Variants in LRRC27 observed in about 807,000 individuals in gnomAD.
LRRC27 encodes leucine-rich repeat-containing protein 27.
Under a neutral mutation model 55.0 loss-of-function variants are expected in LRRC27, and 57 were observed. The observed-to-expected ratio is 1.04, with a 90% confidence interval of 0.84 to 1.29. The LOEUF (loss-of-function observed/expected upper bound fraction) is 1.29, where lower values mean the gene tolerates loss of function less well. Among genes scored for constraint, LRRC27 ranks in the 50% most tolerant of loss-of-function variants. LRRC27 has a pLI of 0.00. For synonymous variants in LRRC27, 278 were observed against 251.9 expected (o/e 1.10, Z -0.98); for missense variants, 721 against 651.5 (o/e 1.11, Z -1.16).
upstream of LRRC27, chr10:132,331,834 G>A (rs776389422): frequency 4.6e-6 from 7 of 1,513,504 alleles, no homozygotes; most frequent in South Asian, 2.4e-5. Context: ...AAGGCCGCGG[G>A]CGCGGAAAAA....
At chr10:132,369,109 A>G (rs2069159182) in intron 10 of LRRC27, among the ~76,000 whole-genome samples, 1 of 152,206 alleles carries the variant, frequency 6.6e-6, no homozygotes, top group African/African-American at 2.4e-5. Flanking sequence ...AAAAAATCCA[A>G]AACACTCACC....
intron 2 of LRRC27, among the ~76,000 whole-genome samples, chr10:132,334,053 TAAAG>T (rs1186112425): frequency 6.6e-6 from 1 of 152,218 alleles, no homozygotes; most frequent in African/African-American, 2.4e-5. Context: ...CACAAAACCT[TAAAG>T]AAAATCAGGC....
At chr10:132,331,779 C>G, upstream of LRRC27, 4 of 1,608,582 alleles carry the variant, frequency 2.5e-6, no homozygotes, top group Admixed American at 1.7e-5. Flanking sequence ...GGTCGCCCCT[C>G]CAGACCCTCG....
intron 10 of LRRC27, 23 bp downstream of exon 10, chr10:132,365,573 TA>T (rs746298499): frequency 6.2e-7 from 1 of 1,607,974 alleles, no homozygotes; most frequent in East Asian, 2.2e-5. Flanking sequence ...TGGTTCTGTT[TA>T]AAAAAGTGTG....
At chr10:132,363,257 TCTCAC>T (rs1439669305) in intron 9 of LRRC27, among the ~76,000 whole-genome samples, 1 of 149,808 alleles carries the variant, frequency 6.7e-6, no homozygotes, top group Non-Finnish European at 1.5e-5. Flanking sequence ...TCATGAACCC[TCTCAC>T]CTCACAGCTG....
At position 132,342,189 on chromosome 10, in the gene LRRC27, TTTTTG is replaced by T. The variant is rs1564826384; in HGVS notation, c.342-13_342-9del. ...TCAATTAAATCTTGCTTTTTAAATT[TTTTTG>T]TTTTGTTTTGCTTTAAAGGCATTTG... is the stretch of plus-strand genomic sequence containing the variant. On this transcript the variant is annotated intron_variant, in intron 3 of 10. Transcript: ENST00000368614. The T allele has an allele frequency of 2.8e-6, 4 of 1,451,910 alleles. No individual in the cohort carries two copies. Among genetic ancestry groups the T allele is most frequent in the East Asian group, 2.5e-5 (1 of 40,774 alleles). 89.9% of individuals were successfully genotyped at this position (1,451,910 alleles called of 1,614,324 possible).
rs776644782 is a variant in LRRC27, at chr10:132,349,066, CTG to C, written c.926+713_926+714del. 25 of 1,588,278 alleles carry C rather than the reference CTG, an allele frequency of 1.6e-5. No individual in the cohort carries two copies. The Admixed American group carries it at 4.1e-4, about 26-fold the overall frequency. The stretch of plus-strand genomic sequence containing the variant: ...GCCTACACATATGGGAGGTATGTAT[CTG>C]TGGTGTGCGTGTGTGTGCCTGCATG... On this transcript the variant is annotated intron_variant, in intron 6 of 10. Transcript: ENST00000368614.
At chr10:132,364,013 A>G (rs370883493) in intron 9 of LRRC27, among the ~76,000 whole-genome samples, 3 of 151,502 alleles carry the variant, frequency 2.0e-5, no homozygotes, top group African/African-American at 7.2e-5. Context: ...CAGGGAGTTT[A>G]CCTGCCATAT....
Position 132,374,943 on chromosome 10 carries a change from G to T in LRRC27, c.1417-123G>T. ...TGCGGCTTGCAGGGGCCCCGGGGCAGCGGGGCTGGCTCTGCTGACGCCCAC... is the reference window on the plus strand; with the variant it reads ...TGCGGCTTGCAGGGGCCCCGGGGCATCGGGGCTGGCTCTGCTGACGCCCAC... On this transcript the variant is annotated intron_variant, in intron 10 of 10. Coordinates refer to ENST00000368614, the MANE Select transcript of LRRC27 (RefSeq NM_030626.3). The surrounding 1 kb of genome is among the most constrained non-coding windows in gnomAD (Gnocchi z 4.4). 2.8e-6 allele frequency: 3 copies of T among 1,085,722 alleles called. No individual in the cohort carries two copies. The highest frequency in any genetic ancestry group is 3.9e-6 in the Non-Finnish European group (3 of 762,086). The allele number at this position is 1,085,722 out of a possible 1,614,324, so 67.3% of individuals were successfully genotyped here. A position where few individuals can be genotyped will look rare whatever the true frequency, so the allele number is the denominator to read the frequency against.
At chr10:132,358,285 AAGGAGCCGAGGTGGTGGAGCGTGGGG>A (rs1477288925) in intron 8 of LRRC27, among the ~76,000 whole-genome samples, 9 of 151,452 alleles carry the variant, frequency 5.9e-5, no homozygotes, top group African/African-American at 1.2e-4. Flanking sequence ...GGTCGGCAGG[AAGGAGCCGAGGTGGTGGAGCGTGGGG>A]AGGAGCCGAG....
intron 3 of LRRC27, among the ~76,000 whole-genome samples, chr10:132,339,903 G>A (rs1477449355): frequency 2.0e-5 from 3 of 152,170 alleles, no homozygotes; most frequent in Non-Finnish European, 4.4e-5. Context: ...TGTTTTTGGA[G>A]GTATACTTTT....
At chr10:132,342,184 A>T in intron 3 of LRRC27, 29 bp from the exon 4 acceptor site, 1 of 1,424,522 alleles carries the variant, frequency 7.0e-7, no homozygotes, top group Non-Finnish European at 9.5e-7. Context: ...CTTGCTTTTT[A>T]AATTTTTTTG....
chr10:132,335,162 T>C (rs1194813874), intron 2 of LRRC27: 1 of 152,276 alleles, frequency 6.6e-6, no homozygotes, highest in African/African-American at 2.4e-5. Context: ...AAGAAAGACT[T>C]TTTAATGACG....
upstream of LRRC27, chr10:132,330,512 C>A (rs117392241): frequency 4.2e-6 from 3 of 716,544 alleles, no homozygotes; most frequent in Non-Finnish European, 7.8e-6. Flanking sequence ...TGGGTATGTA[C>A]GAAAACTTTT....
At chr10:132,355,639 T>C (rs2068273307) in intron 7 of LRRC27, 151 bp from the exon 8 acceptor site, 1 of 590,082 alleles carries the variant, frequency 1.7e-6, no homozygotes, top group Admixed American at 2.7e-5. Flanking sequence ...GAAGAGGCTG[T>C]GGTTCAGACT....
chr10:132,331,043 A>G (rs1376345343), upstream of LRRC27, among the ~76,000 whole-genome samples: 1 of 151,248 alleles, frequency 6.6e-6, no homozygotes, highest in African/African-American at 2.4e-5. Flanking sequence ...TCTACTAAAA[A>G]TACAAAAATT....
At chr10:132,331,420 T>A, upstream of LRRC27, 1 of 1,598,880 alleles carries the variant, frequency 6.3e-7, no homozygotes. Context: ...TCAAAACCCT[T>A]CCTCAGGACA....
rs987298508 is a variant in LRRC27 at position 132,374,622 on chromosome 10, T to C, written c.1417-444T>C. On this transcript the variant is annotated intron_variant, in intron 10 of 10. Coordinates refer to ENST00000368614, the MANE Select transcript of LRRC27 (RefSeq NM_030626.3). The surrounding 1 kb of genome is among the most constrained non-coding windows in gnomAD (Gnocchi z 4.4). The stretch of plus-strand genomic sequence containing the variant: ...GGTGGGGGTGGCAATTGTGGCCCCA[T>C]CTGCTTCCCAGGACAGTTACGGCTC... Among the ~76,000 whole-genome samples the C allele has an allele frequency of 3.3e-5, 5 of 152,342 alleles. No homozygotes were observed. The highest frequency in any genetic ancestry group is 1.2e-4 in the African/African-American group (5 of 41,582).
chr10:132,373,715 G>A (rs1290771028), intron 10 of LRRC27, among the ~76,000 whole-genome samples: 1 of 152,222 alleles, frequency 6.6e-6, no homozygotes, highest in East Asian at 1.9e-4. Context: ...AAGAGTTCCA[G>A]AAGAAAGGGA....
Sources: gnomAD v4.1 joint callset for allele counts (sites outside exome capture counted in the v4.1 genomes callset) on GRCh38, gnomAD v4.1.1 for gene constraint, Gnocchi (gnomAD v3.1) non-coding constraint, MANE v1.5 for transcripts, NCBI Gene and HGNC (gene_info 2026-07-23, HGNC 2026-07-21) for gene names.